XNDC1N: variants seen among roughly 807,000 people sequenced by gnomAD.
The protein encoded by XNDC1N is XRCC1 N-terminal domain containing 1, N-terminal like.
the XNDC1N span, among the ~76,000 whole-genome samples, chr11:71,882,775 G>T: frequency 6.6e-6 from 1 of 152,238 alleles, no homozygotes. Context: ...GAAATAAATG[G>T]CATCCAAACT....
the XNDC1N span, chr11:71,903,184 A>C: frequency 1.4e-6 from 1 of 714,284 alleles, no homozygotes; most frequent in Non-Finnish European, 2.6e-6. Flanking sequence ...GGTTGTATCC[A>C]AACGATACAG....
At chr11:71,866,200 A>G in the XNDC1N span, among the ~76,000 whole-genome samples, 37 of 152,022 alleles carry the variant, frequency 2.4e-4, no homozygotes, top group South Asian at 7.3e-3. Context: ...ACCATATCTT[A>G]ACCATTGAGA....
chr11:71,928,480 C>T, the XNDC1N span: 11 of 702,450 alleles, frequency 1.6e-5, no homozygotes, highest in East Asian at 5.4e-5. Context: ...GCTACTCTTC[C>T]GTCTTCCGTA....
At chr11:71,900,650 A>G in the XNDC1N span, among the ~76,000 whole-genome samples, 1 of 152,178 alleles carries the variant, frequency 6.6e-6, no homozygotes, top group African/African-American at 2.4e-5. Flanking sequence ...GAACAACAAA[A>G]AGATTATGAA....
the XNDC1N span, among the ~76,000 whole-genome samples, chr11:71,922,439 G>A: frequency 2.2e-4 from 34 of 152,214 alleles, no homozygotes; most frequent in African/African-American, 8.2e-4. Context: ...GAGTAGCTGG[G>A]ACCACAGGCA....
At chr11:71,867,125 A>G in the XNDC1N span, among the ~76,000 whole-genome samples, 2 of 152,188 alleles carry the variant, frequency 1.3e-5, no homozygotes. Context: ...GAGCAATACT[A>G]TGAACACTAA....
the XNDC1N span, chr11:71,914,315 G>C: frequency 4.4e-6 from 2 of 456,080 alleles, no homozygotes; most frequent in South Asian, 1.5e-5. Context: ...TGTGAATTTG[G>C]AAGAAGTTGA....
chr11:71,888,731 G>T, the XNDC1N span, among the ~76,000 whole-genome samples: 12 of 152,168 alleles, frequency 7.9e-5, no homozygotes, highest in Non-Finnish European at 1.5e-4. Flanking sequence ...GAACATTAAG[G>T]CCTCCCGTGC....
chr11:71,896,585 T>C, the XNDC1N span, among the ~76,000 whole-genome samples: 2 of 152,256 alleles, frequency 1.3e-5, no homozygotes, highest in African/African-American at 2.4e-5. Flanking sequence ...TGTTTTGAGA[T>C]GGAGTTTCAC....
chr11:71,919,944 TTTTTTTTTTTTTTTTTTTTTTTTTTGAGA>T, the XNDC1N span, among the ~76,000 whole-genome samples: 1 of 80,710 alleles, frequency 1.2e-5, no homozygotes, highest in African/African-American at 6.7e-5. Flanking sequence ...TTTTTTTTTT[TTTTTTTTTTTTTTTTTTTTTTTTTTGAGA>T]CAGAGTCTCG....
At chr11:71,890,230 A>C in the XNDC1N span, among the ~76,000 whole-genome samples, 1 of 152,206 alleles carries the variant, frequency 6.6e-6, no homozygotes, top group Admixed American at 6.5e-5. Context: ...CACAGGGTTG[A>C]TGTACACCCA....
chr11:71,925,242 C>T, the XNDC1N span, among the ~76,000 whole-genome samples: 44 of 152,092 alleles, frequency 2.9e-4, 1 homozygote, highest in Admixed American at 2.5e-3. Flanking sequence ...TGTAAGCTCT[C>T]GGCGGACAGG....
At chr11:71,879,426 C>T in the XNDC1N span, among the ~76,000 whole-genome samples, 1 of 152,138 alleles carries the variant, frequency 6.6e-6, no homozygotes, top group African/African-American at 2.4e-5. Context: ...ACATATTAAA[C>T]TGTGGTTCAT....
chr11:71,874,651 T>A, the XNDC1N span, among the ~76,000 whole-genome samples: 1 of 152,190 alleles, frequency 6.6e-6, no homozygotes, highest in Non-Finnish European at 1.5e-5. Flanking sequence ...GAGCTAATAC[T>A]TCATTTACAC....
chr11:71,917,489 C>T, the XNDC1N span: 1 of 678,512 alleles, frequency 1.5e-6, no homozygotes, highest in Admixed American at 2.1e-5. Flanking sequence ...TTGCCCCCAA[C>T]AGATATAATT....
At chr11:71,913,973 C>T in the XNDC1N span, among the ~76,000 whole-genome samples, 3 of 152,200 alleles carry the variant, frequency 2.0e-5, no homozygotes, top group Non-Finnish European at 4.4e-5. Context: ...AAACCTAATA[C>T]TCAGAAAGAA....
chr11:71,921,295 G>C, the XNDC1N span, among the ~76,000 whole-genome samples: 1 of 152,112 alleles, frequency 6.6e-6, no homozygotes. Flanking sequence ...TGGGACTACA[G>C]GTGCGTGCCA....
the XNDC1N span, chr11:71,917,793 G>C: frequency 1.4e-6 from 1 of 702,992 alleles, no homozygotes; most frequent in Non-Finnish European, 2.6e-6. Flanking sequence ...ACAAAAGGTT[G>C]AGAGAAGGAT....
At chr11:71,905,663 C>T in the XNDC1N span, among the ~76,000 whole-genome samples, 1 of 151,874 alleles carries the variant, frequency 6.6e-6, no homozygotes, top group Non-Finnish European at 1.5e-5. Context: ...TGTACACCCA[C>T]TGTGTTATTA....
Sources: allele counts gnomAD v4.1 joint callset (sites outside exome capture counted in the v4.1 genomes callset), GRCh38; gene constraint gnomAD v4.1.1; transcripts MANE v1.5; gene names NCBI Gene and HGNC (gene_info 2026-07-23, HGNC 2026-07-21).